The following AFF3 variants were observed in gnomAD, a reference collection of about 807,000 sequenced individuals.
The protein encoded by AFF3 is AF4/FMR2 family member 3.
Under a neutral mutation model 129.7 loss-of-function variants are expected in AFF3, and 32 were observed. The ratio of observed to expected loss-of-function variants is 0.25; its 90% CI spans 0.19 to 0.33. The LOEUF is 0.33. Ranked by LOEUF, AFF3 falls within the 10% of genes least tolerant of loss-of-function variation. AFF3 has a pLI of 1.00. For missense variants in AFF3, 1,373 were observed against 1,592.0 expected (o/e 0.86, Z 2.34); for synonymous variants, 644 against 635.4 (o/e 1.01, Z -0.20).
At chr2:100,141,722 C>T (rs536808313) in intron 1 of AFF3, among the ~76,000 whole-genome samples, 1 of 152,112 alleles carries the variant, frequency 6.6e-6, no homozygotes, top group African/African-American at 2.4e-5. Flanking sequence ...CTTTGTCTTG[C>T]TATTAGTTCT....
In AFF3 at chr2:100,007,667, G is replaced by A. The variant is rs60197820; in HGVS notation, c.175-207C>T. On this transcript the variant is annotated intron_variant, in intron 5 of 24. Transcript: ENST00000672756. ...ACAGGAAGCCTGTAATGGCCTTGGGGTGCATAAAAAGGGATCTATCCGGCC... is the reference window on the plus strand; with the variant it reads ...ACAGGAAGCCTGTAATGGCCTTGGGATGCATAAAAAGGGATCTATCCGGCC... 1.9e-3 allele frequency: 1,131 copies of A among 599,274 alleles called. 8 individuals carry two copies. The African/African-American group carries it at 0.019, about 10-fold the overall frequency. 37.1% of individuals were successfully genotyped at this position (599,274 alleles called of 1,614,324 possible).
chr2:99,760,933 CTT>C (rs1012629210), intron 8 of AFF3, among the ~76,000 whole-genome samples: 4 of 145,180 alleles, frequency 2.8e-5, no homozygotes, highest in African/African-American at 5.0e-5. Context: ...CTTTTTTTTC[CTT>C]TTTTTTTTTG....
At chr2:99,865,339 G>C (rs1691312305) in intron 7 of AFF3, among the ~76,000 whole-genome samples, 1 of 152,180 alleles carries the variant, frequency 6.6e-6, no homozygotes, top group African/African-American at 2.4e-5. Context: ...AGGCAGCTTT[G>C]GCCCATGAGC....
chr2:99,813,196 G>A (rs1284672729), intron 8 of AFF3, among the ~76,000 whole-genome samples: 3 of 152,166 alleles, frequency 2.0e-5, no homozygotes, highest in African/African-American at 2.4e-5. Flanking sequence ...GAGGGACGTC[G>A]AGCAGGGGAG....
Position 99,554,675 on chromosome 2 carries a change from G to A in AFF3, c.3335+8C>T, listed in dbSNP as rs199693404. 1.0e-4 allele frequency: 163 copies of A among 1,614,162 alleles called. No individual in the cohort carries two copies. The East Asian group carries it at 2.7e-3, about 26-fold the overall frequency. On this transcript the variant is annotated splice_region_variant and intron_variant, in intron 23 of 24. Transcript: ENST00000672756. ...CTTACGGCATTGACTTTGGAAAAGC[G>A]AACTTACTTTCCACTGGCCCCCCAC...
chr2:99,951,183 A>G (rs568473703), intron 7 of AFF3, among the ~76,000 whole-genome samples: 17 of 152,230 alleles, frequency 1.1e-4, no homozygotes, highest in Non-Finnish European at 2.2e-4. Context: ...TTTTCTGATA[A>G]AAATTATGTG....
intron 7 of AFF3, among the ~76,000 whole-genome samples, chr2:99,880,465 T>C (rs1692626990): frequency 6.6e-6 from 1 of 152,144 alleles, no homozygotes; most frequent in Non-Finnish European, 1.5e-5. Flanking sequence ...CAAGTAAAGT[T>C]CTTTGGCATT....
At chr2:99,911,235 A>G (rs1016047735) in intron 7 of AFF3, among the ~76,000 whole-genome samples, 2 of 152,108 alleles carry the variant, frequency 1.3e-5, no homozygotes, top group African/African-American at 2.4e-5. Flanking sequence ...ATGATTTTGC[A>G]TGATTAGCCG....
At chr2:100,012,758 G>A (rs1224076216) in intron 4 of AFF3, among the ~76,000 whole-genome samples, 1 of 152,178 alleles carries the variant, frequency 6.6e-6, no homozygotes, top group Non-Finnish European at 1.5e-5. Flanking sequence ...AGCTTCCCCT[G>A]GGATGGCTGA....
intron 7 of AFF3, among the ~76,000 whole-genome samples, chr2:99,956,689 T>C (rs1278577225): frequency 6.6e-6 from 1 of 152,230 alleles, no homozygotes; most frequent in Admixed American, 6.5e-5. Context: ...GAGACATGTG[T>C]GTTCATCATC....
intron 13 of AFF3, among the ~76,000 whole-genome samples, chr2:99,649,187 G>A (rs1415107664): frequency 6.6e-6 from 1 of 152,176 alleles, no homozygotes; most frequent in Non-Finnish European, 1.5e-5. Flanking sequence ...ACCGTGAGTT[G>A]TTGGGTTATG....
At position 99,593,752 on chromosome 2, in the gene AFF3, G is replaced by T. The variant is rs1291241350; in HGVS notation, c.1909C>A (p.His637Asn). Residue 637 changes from histidine (H) to asparagine (N), a missense_variant, in exon 15 of 25, where the codon CAC becomes AAC. Transcript: ENST00000672756. The part of the protein sequence containing the change: ...TRPCGNNRAS[H>N]RKELRSSVTC... ...ACGGAGGAGCGCAGCTCCTTGCGGT[G>T]GCTCGCTCTGTTGTTGCCACAGGGC... is the stretch of plus-strand genomic sequence containing the variant. 1 of 1,612,718 alleles carries T rather than the reference G, an allele frequency of 6.2e-7. No homozygotes were observed. The highest frequency in any genetic ancestry group is 8.5e-7 in the Non-Finnish European group (1 of 1,179,946).
chr2:99,974,320 G>A (rs907338970), intron 7 of AFF3, among the ~76,000 whole-genome samples: 2 of 152,178 alleles, frequency 1.3e-5, no homozygotes, highest in Non-Finnish European at 2.9e-5. Flanking sequence ...CTTAGTTGGT[G>A]CCTGGTGACT....
chr2:99,621,890 G>C (rs1468072072), intron 13 of AFF3, among the ~76,000 whole-genome samples: 5 of 152,128 alleles, frequency 3.3e-5, no homozygotes, highest in Non-Finnish European at 7.3e-5. Flanking sequence ...CGAGTTGTGT[G>C]GGGGAAGCTG....
chr2:99,694,155 C>T (rs1342630251), intron 11 of AFF3, among the ~76,000 whole-genome samples: 1 of 151,692 alleles, frequency 6.6e-6, no homozygotes, highest in Non-Finnish European at 1.5e-5. Context: ...GCCTCGGCCT[C>T]CCAAAGTACT....
At chr2:100,083,742 C>A (rs1179239780) in intron 4 of AFF3, among the ~76,000 whole-genome samples, 1 of 151,918 alleles carries the variant, frequency 6.6e-6, no homozygotes, top group Non-Finnish European at 1.5e-5. Context: ...AATGCAGAGA[C>A]GATGAGAGGG....
chr2:99,593,809 C>A lies in AFF3; in HGVS notation c.1852G>T (p.Val618Leu), dbSNP rs144010569. ...TTGGTGGGCTCCGGGGGGACCACCA[C>A]GCTCGTCCCCAGCGCGTCCGCGGCC... ...PAAADALGTS[V>L]VVPPEPTKTR... Residue 618 changes from valine (V) to leucine (L), a missense_variant, in exon 15 of 25, where the codon GTG becomes TTG. By Grantham distance (32) the Val-to-Leu change is conservative. Coordinates refer to ENST00000672756, the MANE Select transcript of AFF3 (RefSeq NM_001386135.1). 1.8e-5 allele frequency: 29 copies of A among 1,610,524 alleles called. No individual in the cohort carries two copies. The highest frequency in any genetic ancestry group is 2.5e-5 in the Non-Finnish European group (29 of 1,179,222).
At chr2:99,946,865 C>T (rs1201231836) in intron 7 of AFF3, among the ~76,000 whole-genome samples, 1 of 152,188 alleles carries the variant, frequency 6.6e-6, no homozygotes, top group Non-Finnish European at 1.5e-5. Context: ...AAACTAATTA[C>T]AAACCATTAA....
chr2:99,805,614 C>A (rs190373302), intron 8 of AFF3, among the ~76,000 whole-genome samples: 1 of 152,232 alleles, frequency 6.6e-6, no homozygotes, highest in Admixed American at 6.5e-5. Context: ...ACAATCAACA[C>A]CACAGCCGAG....
Sources: allele counts gnomAD v4.1 joint callset (sites outside exome capture counted in the v4.1 genomes callset), GRCh38; gene constraint gnomAD v4.1.1; transcripts MANE v1.5; gene names NCBI Gene and HGNC (gene_info 2026-07-23, HGNC 2026-07-21).